Variants in LRIG1 observed in about 807,000 individuals in gnomAD.
LRIG1 encodes leucine rich repeats and immunoglobulin like domains 1.
Under a neutral mutation model 99.2 loss-of-function variants are expected in LRIG1, and 48 were observed. The ratio of observed to expected loss-of-function variants is 0.48; its 90% CI spans 0.38 to 0.62. The LOEUF (loss-of-function observed/expected upper bound fraction) is 0.62. Ranked by LOEUF, LRIG1 falls within the 20% of genes least tolerant of loss-of-function variation. The probability of loss-of-function intolerance (pLI) is 0.00; values close to 1 mark genes in which losing one functional copy is unlikely to be tolerated. For synonymous variants in LRIG1, 772 were observed against 596.1 expected (o/e 1.29, Z -4.30); for missense variants, 1,646 against 1,434.4 (o/e 1.15, Z -2.38).
At chr3:66,382,457 A>C (rs1361749543) in intron 15 of LRIG1, 59 bp from the exon 16 acceptor site, 2 of 1,599,064 alleles carry the variant, frequency 1.3e-6, no homozygotes, top group African/African-American at 2.7e-5. Flanking sequence ...ATGCAGACAC[A>C]CGTTCACTGT....
intron 1 of LRIG1, among the ~76,000 whole-genome samples, chr3:66,487,217 G>C (rs543646251): frequency 6.6e-6 from 1 of 152,274 alleles, no homozygotes; most frequent in African/African-American, 2.4e-5. Flanking sequence ...CACAAGCTAT[G>C]ACTTCTCATT....
chr3:66,381,468 G>C lies in LRIG1; in HGVS notation c.2770+11C>G. The C allele has an allele frequency of 6.2e-7, 1 of 1,603,502 alleles. No homozygotes were observed. The highest frequency in any genetic ancestry group is 8.5e-7 in the Non-Finnish European group (1 of 1,171,942). ...AGAAAGAAACTACTTCCAATGGGAA[G>C]CATCTCATACCCATCTTATGTGGCC... On this transcript the variant is annotated intron_variant, in intron 17 of 18. Transcript: ENST00000273261.
chr3:66,431,549 C>A (rs1357344900), intron 3 of LRIG1, among the ~76,000 whole-genome samples: 2 of 152,194 alleles, frequency 1.3e-5, no homozygotes, highest in African/African-American at 4.8e-5. Context: ...GGAGATACTG[C>A]ACTTCACACA....
chr3:66,476,355 A>G (rs1171573020), intron 1 of LRIG1, among the ~76,000 whole-genome samples: 1 of 151,814 alleles, frequency 6.6e-6, no homozygotes, highest in East Asian at 1.9e-4. Context: ...TTAATCCTTC[A>G]CCCCTTCCTC....
At chr3:66,484,515 T>C (rs1425642363) in intron 1 of LRIG1, among the ~76,000 whole-genome samples, 1 of 152,176 alleles carries the variant, frequency 6.6e-6, no homozygotes, top group East Asian at 1.9e-4. Context: ...GAGAAACGTT[T>C]AAGACAGATG....
At chr3:66,411,494 G>A (rs1702460398) in intron 6 of LRIG1, among the ~76,000 whole-genome samples, 1 of 152,170 alleles carries the variant, frequency 6.6e-6, no homozygotes, top group African/African-American at 2.4e-5. Flanking sequence ...AAAATGACAT[G>A]CCTAAGGAGG....
At chr3:66,402,809 A>G (rs968439422) in intron 9 of LRIG1, among the ~76,000 whole-genome samples, 3 of 152,184 alleles carry the variant, frequency 2.0e-5, no homozygotes, top group Non-Finnish European at 2.9e-5. Context: ...ACTCCCACAG[A>G]GCAACACAGT....
At chr3:66,472,324 A>C (rs937937367) in intron 1 of LRIG1, among the ~76,000 whole-genome samples, 4 of 150,642 alleles carry the variant, frequency 2.7e-5, no homozygotes, top group Non-Finnish European at 4.4e-5. Flanking sequence ...AAAAAAAAAA[A>C]AAAAAAAAAC....
intron 3 of LRIG1, among the ~76,000 whole-genome samples, chr3:66,421,242 T>C (rs978879447): frequency 6.6e-6 from 1 of 152,190 alleles, no homozygotes; most frequent in Non-Finnish European, 1.5e-5. Flanking sequence ...CAATCATGCC[T>C]TCCCAACAGT....
intron 12 of LRIG1, among the ~76,000 whole-genome samples, chr3:66,391,043 A>G (rs1701596408): frequency 6.6e-6 from 1 of 152,172 alleles, no homozygotes; most frequent in Admixed American, 6.5e-5. Context: ...ATGTATGTCC[A>G]ATAAGCAGGT....
chr3:66,469,791 G>A (rs780331146), intron 1 of LRIG1, among the ~76,000 whole-genome samples: 1 of 151,974 alleles, frequency 6.6e-6, no homozygotes. Flanking sequence ...ACTCCTGGCC[G>A]GGTGTGGTGG....
At chr3:66,397,991 A>C in intron 11 of LRIG1, 121 bp downstream of exon 11, 1 of 800,102 alleles carries the variant, frequency 1.2e-6, no homozygotes, top group Non-Finnish European at 2.0e-6. Context: ...TCTGTGGCCC[A>C]CAAAATCCAA....
intron 5 of LRIG1, among the ~76,000 whole-genome samples, chr3:66,414,421 T>TA (rs1180277433): frequency 3.4e-5 from 5 of 145,518 alleles, no homozygotes; most frequent in African/African-American, 8.3e-5. Context: ...AATAAATAAA[T>TA]AATAATAATA....
chr3:66,455,663 GA>G (rs917007803), intron 2 of LRIG1, among the ~76,000 whole-genome samples: 5 of 152,186 alleles, frequency 3.3e-5, no homozygotes, highest in Admixed American at 6.5e-5. Context: ...GCAGTGCGTT[GA>G]AACTGTAGTT....
chr3:66,415,619 C>A (rs918710855), intron 4 of LRIG1, among the ~76,000 whole-genome samples: 2 of 152,172 alleles, frequency 1.3e-5, no homozygotes, highest in Non-Finnish European at 2.9e-5. Flanking sequence ...GAGACCTGTG[C>A]AGAATCCCTT....
chr3:66,388,959 C>A (rs1352969102), intron 12 of LRIG1, among the ~76,000 whole-genome samples: 1 of 151,962 alleles, frequency 6.6e-6, no homozygotes, highest in African/African-American at 2.4e-5. Flanking sequence ...ACAGGTAATA[C>A]AACACACAGG....
At chr3:66,434,289 G>C (rs1224152297) in intron 3 of LRIG1, among the ~76,000 whole-genome samples, 1 of 152,042 alleles carries the variant, frequency 6.6e-6, no homozygotes, top group Non-Finnish European at 1.5e-5. Context: ...AATCCAATTA[G>C]AAAATGGGCA....
chr3:66,491,198 A>T (rs1300279491), intron 1 of LRIG1, among the ~76,000 whole-genome samples: 1 of 152,242 alleles, frequency 6.6e-6, no homozygotes, highest in East Asian at 1.9e-4. Context: ...TACAAAGTAA[A>T]CAATAGTTAA....
In LRIG1 at chr3:66,380,749, C is replaced by T. The variant is rs754242325; in HGVS notation, c.2883G>A (p.Ala961=). 23 of 1,614,078 alleles carry T rather than the reference C, an allele frequency of 1.4e-5. No homozygotes were observed. Among genetic ancestry groups the T allele is most frequent in the Non-Finnish European group, 1.7e-5 (20 of 1,180,048 alleles). Residue 961 remains alanine (A), a synonymous_variant, in exon 18 of 19, where the codon GCG becomes GCA. Transcript: ENST00000273261. The part of the protein sequence containing the change: ...PVSRDSAQPS[A]PNGPEPGGSD... Reference sequence around the variant, plus strand: ...TCCCACCCGGCTCCGGGCCATTTGGCGCACTTGGCTGTGCGCTGTCTCTGG... The same window carrying T: ...TCCCACCCGGCTCCGGGCCATTTGGTGCACTTGGCTGTGCGCTGTCTCTGG...
Sources: allele counts gnomAD v4.1 joint callset (sites outside exome capture counted in the v4.1 genomes callset), GRCh38; gene constraint gnomAD v4.1.1; transcripts MANE v1.5; gene names NCBI Gene and HGNC (gene_info 2026-07-23, HGNC 2026-07-21).